TMEM266: variants seen among roughly 807,000 people sequenced by gnomAD.
TMEM266 encodes the protein transmembrane protein 266.
Under a neutral mutation model 50.5 loss-of-function variants are expected in TMEM266, and 33 were observed. That is an observed-to-expected ratio of 0.65 (90% CI 0.50 to 0.87). The LOEUF (loss-of-function observed/expected upper bound fraction) is 0.87. Ranked by LOEUF, TMEM266 falls within the 40% of genes least tolerant of loss-of-function variation. The pLI, the probability that TMEM266 is intolerant of heterozygous loss-of-function variation, is 0.00. For missense variants in TMEM266, 655 were observed against 695.1 expected (o/e 0.94, Z 0.65); for synonymous variants, 310 against 292.3 (o/e 1.06, Z -0.62).
chr15:76,147,727 G>A (rs2037777598), intron 3 of TMEM266, among the ~76,000 whole-genome samples: 2 of 152,212 alleles, frequency 1.3e-5, no homozygotes, highest in South Asian at 4.1e-4. Context: ...CCCCAGAGAA[G>A]TTTCCTAAAG....
intron 1 of TMEM266, among the ~76,000 whole-genome samples, chr15:76,062,328 T>C (rs1488969407): frequency 1.3e-5 from 2 of 152,264 alleles, no homozygotes; most frequent in African/African-American, 4.8e-5. Context: ...TGTTTTTGCC[T>C]TGGTCAATGT....
chr15:76,118,432 A>T (rs1274856506), intron 1 of TMEM266, among the ~76,000 whole-genome samples: 1 of 152,136 alleles, frequency 6.6e-6, no homozygotes, highest in Non-Finnish European at 1.5e-5. Context: ...CCTGGTGGGC[A>T]CCTGTAGTCC....
intron 1 of TMEM266, among the ~76,000 whole-genome samples, chr15:76,130,538 A>T (rs1227582127): frequency 6.6e-6 from 1 of 152,242 alleles, no homozygotes; most frequent in Non-Finnish European, 1.5e-5. Flanking sequence ...ACTGTGTCTC[A>T]AAGAAGAGAT....
At chr15:76,162,444 C>T (rs1363302037) in intron 5 of TMEM266, among the ~76,000 whole-genome samples, 1 of 152,210 alleles carries the variant, frequency 6.6e-6, no homozygotes, top group Non-Finnish European at 1.5e-5. Context: ...CTCCTGCCTC[C>T]AGACAGCTTG....
intron 9 of TMEM266, among the ~76,000 whole-genome samples, chr15:76,193,679 C>T (rs2038615230): frequency 1.3e-5 from 2 of 152,206 alleles, no homozygotes; most frequent in Non-Finnish European, 2.9e-5. Context: ...TTCATACCTC[C>T]CTGGGGAACC....
chr15:76,169,904 A>AGTGGGGG (rs755037091), intron 6 of TMEM266, 32 bp downstream of exon 6: 1 of 1,601,654 alleles, frequency 6.2e-7, no homozygotes, highest in South Asian at 1.1e-5. Flanking sequence ...CAAAGCCCCC[A>AGTGGGGG]CTCTGCCATC....
At chr15:76,095,757 G>A (rs570148079) in intron 1 of TMEM266, among the ~76,000 whole-genome samples, 1 of 152,066 alleles carries the variant, frequency 6.6e-6, no homozygotes, top group Admixed American at 6.5e-5. Flanking sequence ...GCTTTTCTTG[G>A]TTGGTAGGCT....
chr15:76,198,833 C>A (rs1464041490), intron 9 of TMEM266, among the ~76,000 whole-genome samples: 1 of 89,128 alleles, frequency 1.1e-5, no homozygotes, highest in African/African-American at 3.2e-5. Context: ...GCAGGCCCGG[C>A]CTCAGCACCA....
At chr15:76,088,729 G>A (rs2036807692) in intron 1 of TMEM266, among the ~76,000 whole-genome samples, 1 of 151,764 alleles carries the variant, frequency 6.6e-6, no homozygotes, top group Non-Finnish European at 1.5e-5. Context: ...CCCGGGAGGC[G>A]GAGCTTGCAG....
intron 9 of TMEM266, among the ~76,000 whole-genome samples, chr15:76,200,935 C>T (rs1453683365): frequency 1.3e-5 from 2 of 152,212 alleles, no homozygotes; most frequent in African/African-American, 2.4e-5. Context: ...TGTGCTGCCT[C>T]CAGCCTCCCA....
intron 3 of TMEM266, among the ~76,000 whole-genome samples, chr15:76,148,908 G>T (rs2037796799): frequency 6.6e-6 from 1 of 152,214 alleles, no homozygotes; most frequent in African/African-American, 2.4e-5. Context: ...TCTGATTGCA[G>T]AACTGAAGCT....
chr15:76,140,282 C>T (rs1386663213), intron 3 of TMEM266, among the ~76,000 whole-genome samples: 1 of 152,184 alleles, frequency 6.6e-6, no homozygotes, highest in Non-Finnish European at 1.5e-5. Flanking sequence ...GGACCGGAGC[C>T]AGGGGAAACT....
At chr15:76,095,148 A>G (rs1239991819) in intron 1 of TMEM266, among the ~76,000 whole-genome samples, 1 of 152,022 alleles carries the variant, frequency 6.6e-6, no homozygotes, top group Non-Finnish European at 1.5e-5. Flanking sequence ...TTCCAATACT[A>G]TGTTGAATAG....
intron 2 of TMEM266, among the ~76,000 whole-genome samples, chr15:76,135,634 T>C (rs2037576749): frequency 6.6e-6 from 1 of 152,234 alleles, no homozygotes; most frequent in Non-Finnish European, 1.5e-5. Flanking sequence ...CACACTTTTA[T>C]ATCAATTGTT....
At chr15:76,199,125 TCA>T (rs1442875084) in intron 9 of TMEM266, among the ~76,000 whole-genome samples, 1 of 152,190 alleles carries the variant, frequency 6.6e-6, no homozygotes, top group Non-Finnish European at 1.5e-5. Context: ...CCTCAACTGG[TCA>T]CAGACTTGGT....
In TMEM266 at chr15:76,203,953, A is replaced by C. The variant is rs760243011; in HGVS notation, c.1234A>C (p.Ser412Arg). Residue 412 changes from serine to arginine, a missense_variant, in exon 11 of 11, where the codon AGC becomes CGC. Physicochemically the swap from Ser to Arg is moderately radical, Grantham distance 110. Coordinates refer to ENST00000388942, the MANE Select transcript of TMEM266 (RefSeq NM_152335.3). ...GACGCTGGGCTCCTCCATGGACTGC[A>C]GCACTGCCCGCGAGGAGCCGTCCTC... Reference protein sequence around the residue: ...DCSTAREEPSSEPGPSPPPLP... With the variant: ...DCSTAREEPSREPGPSPPPLP... 1 of 1,613,218 alleles carries C rather than the reference A, an allele frequency of 6.2e-7. No homozygotes were observed. Among genetic ancestry groups the C allele is most frequent in the South Asian group, 1.1e-5 (1 of 91,056 alleles).
chr15:76,186,650 G>A (rs746671236), intron 8 of TMEM266, among the ~76,000 whole-genome samples: 4 of 151,974 alleles, frequency 2.6e-5, no homozygotes, highest in Non-Finnish European at 4.4e-5. Flanking sequence ...CTCCACCTTC[G>A]TCCCTACCTA....
Position 76,156,678 on chromosome 15 carries a change from A to G in TMEM266, c.302A>G (p.Asn101Ser), listed in dbSNP as rs2037933337. The G allele has an allele frequency of 1.2e-6, 2 of 1,614,096 alleles. No individual in the cohort carries two copies. Among genetic ancestry groups the G allele is most frequent in the African/African-American group, 1.3e-5 (1 of 74,940 alleles). Residue 101 changes from asparagine to serine, a missense_variant, in exon 4 of 11, where the codon AAC becomes AGC. This residue lies in a region of TMEM266 where 101 missense variants were observed against 182.6 expected (regional missense o/e 0.55). Transcript: ENST00000388942. ...GTATTTTTGCTCAGTGCAAGTCTCA[A>G]CAGTTTCCTGGTAGCCTGTGTAATA... is the stretch of plus-strand genomic sequence containing the variant.
At chr15:76,202,367 C>A in intron 10 of TMEM266, 103 bp downstream of exon 10, 2 of 1,032,890 alleles carry the variant, frequency 1.9e-6, no homozygotes, top group Non-Finnish European at 2.9e-6. Flanking sequence ...CACCTGGTGC[C>A]TGTGAACCAT....
Sources: allele counts gnomAD v4.1 joint callset (sites outside exome capture counted in the v4.1 genomes callset), GRCh38; gene constraint gnomAD v4.1.1; regional missense constraint gnomAD v4.1.1; transcripts MANE v1.5; gene names NCBI Gene and HGNC (gene_info 2026-07-23, HGNC 2026-07-21).